LRFN5: variants seen among roughly 807,000 people sequenced by gnomAD.
The protein encoded by LRFN5 is leucine-rich repeat and fibronectin type-III domain-containing protein 5.
A neutral mutation model predicts 45.6 loss-of-function variants in LRFN5; 24 were observed. The observed-to-expected ratio is 0.53, with a 90% CI of 0.38 to 0.74. The LOEUF is 0.74. LRFN5 is among the 30% of genes least tolerant of loss of function. The pLI is 0.00. For missense variants in LRFN5, 776 were observed against 861.5 expected, an observed-to-expected ratio of 0.90 and a Z score of 1.24; for synonymous variants, 340 against 313.8, an observed-to-expected ratio of 1.08 and a Z score of -0.88.
intron 1 of LRFN5, among the ~76,000 whole-genome samples, chr14:41,712,598 T>G (rs1004245542): frequency 6.6e-6 from 1 of 152,162 alleles, no homozygotes; most frequent in African/African-American, 2.4e-5. Flanking sequence ...CCAAGACATA[T>G]TTCTTTTTAA....
chr14:41,848,622 C>T (rs142850930), intron 2 of LRFN5, among the ~76,000 whole-genome samples: 259 of 152,034 alleles, frequency 1.7e-3, no homozygotes, highest in Non-Finnish European at 3.1e-3. Context: ...GGACAAGAAA[C>T]ACTATGAATT....
chr14:41,886,473 A>G (rs1890575549), intron 2 of LRFN5, 133 bp from the exon 3 acceptor site: 2 of 626,182 alleles, frequency 3.2e-6, no homozygotes, highest in East Asian at 5.9e-5. Context: ...CAGAATAAAT[A>G]TTAATACTTG....
At chr14:41,788,833 AATTC>A (rs1207038224) in intron 2 of LRFN5, among the ~76,000 whole-genome samples, 1 of 152,036 alleles carries the variant, frequency 6.6e-6, no homozygotes, top group Non-Finnish European at 1.5e-5. Context: ...CAGAATTACT[AATTC>A]CTTAGGTACT....
intron 1 of LRFN5, among the ~76,000 whole-genome samples, chr14:41,662,741 G>A (rs1880713818): frequency 6.6e-6 from 1 of 152,004 alleles, no homozygotes; most frequent in Non-Finnish European, 1.5e-5. Context: ...ATCAGTCTAT[G>A]AAAAGATCTT....
At chr14:41,724,518 T>A (rs534193838) in intron 1 of LRFN5, among the ~76,000 whole-genome samples, 1 of 152,160 alleles carries the variant, frequency 6.6e-6, no homozygotes, top group East Asian at 1.9e-4. Context: ...TAATTTGCAT[T>A]TGAGATCTAA....
At chr14:41,825,981 C>T (rs964402234) in intron 2 of LRFN5, among the ~76,000 whole-genome samples, 16 of 152,136 alleles carry the variant, frequency 1.1e-4, no homozygotes, top group African/African-American at 3.9e-4. Flanking sequence ...TTTCTCAGCA[C>T]CCCATTTTCT....
At chr14:41,856,686 T>A (rs1431258922) in intron 2 of LRFN5, among the ~76,000 whole-genome samples, 7 of 75,562 alleles carry the variant, frequency 9.3e-5, no homozygotes, top group African/African-American at 3.3e-4. Context: ...TTTTTTTTTT[T>A]TTTTTTTTGA....
chr14:41,838,350 G>A (rs934001039), intron 2 of LRFN5, among the ~76,000 whole-genome samples: 1 of 152,262 alleles, frequency 6.6e-6, no homozygotes, highest in East Asian at 1.9e-4. Flanking sequence ...AGATGCTAAT[G>A]AAGTAGGACT....
At chr14:41,704,541 C>G (rs1882984631) in intron 1 of LRFN5, among the ~76,000 whole-genome samples, 1 of 151,722 alleles carries the variant, frequency 6.6e-6, no homozygotes, top group African/African-American at 2.4e-5. Flanking sequence ...GTACCACAGT[C>G]TTGAACTCCT....
chr14:41,611,694 T>C (rs1414229898), intron 1 of LRFN5, among the ~76,000 whole-genome samples: 15 of 152,184 alleles, frequency 9.9e-5, no homozygotes, highest in Admixed American at 9.8e-4. Context: ...TTCTTTCACA[T>C]ACGTCTCTCC....
chr14:41,829,904 A>G (rs964649793), intron 2 of LRFN5, among the ~76,000 whole-genome samples: 1 of 150,846 alleles, frequency 6.6e-6, no homozygotes, highest in Non-Finnish European at 1.5e-5. Flanking sequence ...TAGTTCATCT[A>G]TATTTTGTTC....
intron 1 of LRFN5, among the ~76,000 whole-genome samples, chr14:41,714,846 G>A (rs1428117678): frequency 6.6e-6 from 1 of 152,064 alleles, no homozygotes; most frequent in Non-Finnish European, 1.5e-5. Context: ...TTCAGGCTGC[G>A]GGGAGCTGTA....
chr14:41,781,616 G>A (rs201767949), intron 2 of LRFN5, among the ~76,000 whole-genome samples: 31 of 59,662 alleles, frequency 5.2e-4, no homozygotes, highest in African/African-American at 2.1e-3. Flanking sequence ...AAGAAAGAAA[G>A]AGAAAGAAAG....
chr14:41,673,398 C>T (rs1313094922), intron 1 of LRFN5, among the ~76,000 whole-genome samples: 1 of 141,990 alleles, frequency 7.0e-6, no homozygotes, highest in Non-Finnish European at 1.5e-5. Flanking sequence ...GGGGGCTGAC[C>T]CGCCCCCCAC....
intron 2 of LRFN5, among the ~76,000 whole-genome samples, chr14:41,815,960 A>ATTT (rs1162253344): frequency 6.6e-6 from 1 of 152,070 alleles, no homozygotes; most frequent in South Asian, 2.1e-4. Flanking sequence ...TGCCCTTATT[A>ATTT]TACTCTTTTA....
chr14:41,721,804 T>G (rs1422843086), intron 1 of LRFN5, among the ~76,000 whole-genome samples: 1 of 152,186 alleles, frequency 6.6e-6, no homozygotes, highest in Non-Finnish European at 1.5e-5. Flanking sequence ...TTAGATTTTT[T>G]CTTCAGGGTT....
chr14:41,612,430 C>T (rs760452864), intron 1 of LRFN5, among the ~76,000 whole-genome samples: 52 of 152,038 alleles, frequency 3.4e-4, no homozygotes, highest in Middle Eastern at 6.8e-3. Flanking sequence ...AACATATTGG[C>T]GTTATCTTCA....
At chr14:41,735,371 A>C (rs950969225) in intron 1 of LRFN5, among the ~76,000 whole-genome samples, 41 of 152,122 alleles carry the variant, frequency 2.7e-4, no homozygotes, top group African/African-American at 9.4e-4. Context: ...GGGCTCAAGC[A>C]ATCTCCCTAC....
rs149621240 is a variant in LRFN5, at chr14:41,882,499, G to C, written c.-20-4107G>C. 1.5e-3 allele frequency among the ~76,000 whole-genome samples: 230 copies of C among 152,272 alleles called. 7 individuals are homozygous for C. In the East Asian group the frequency reaches 0.042, roughly 28 times the overall value. On this transcript the variant is annotated intron_variant, in intron 2 of 5. Coordinates refer to ENST00000298119, the MANE Select transcript of LRFN5 (RefSeq NM_152447.5). ...TCCAAGCTGAAAAGCAAGGTTGCCT[G>C]AAGTATTTCTTTCAATTTTCCTTTC...
Sources: gnomAD v4.1 joint callset for allele counts (sites outside exome capture counted in the v4.1 genomes callset) on GRCh38, gnomAD v4.1.1 for gene constraint, MANE v1.5 for transcripts, NCBI Gene and HGNC (gene_info 2026-07-23, HGNC 2026-07-21) for gene names.